Variants in BRINP3 observed in about 807,000 individuals in gnomAD.
BRINP3 encodes the protein BMP/retinoic acid-inducible neural-specific protein 3.
Under a neutral mutation model 71.0 loss-of-function variants are expected in BRINP3, and 19 were observed. The ratio of observed to expected loss-of-function variants is 0.27; its 90% CI spans 0.19 to 0.39. The LOEUF (loss-of-function observed/expected upper bound fraction) is 0.39, where lower values mean the gene tolerates loss of function less well. Ranked by LOEUF, BRINP3 falls within the 10% of genes least tolerant of loss-of-function variation. BRINP3 has a pLI of 1.00. For missense variants in BRINP3, 959 were observed against 940.8 expected (o/e 1.02, Z -0.25); for synonymous variants, 380 against 337.7 (o/e 1.13, Z -1.37).
At chr1:190,122,027 G>T (rs1028347778) in intron 7 of BRINP3, among the ~76,000 whole-genome samples, 4 of 152,268 alleles carry the variant, frequency 2.6e-5, no homozygotes, top group Middle Eastern at 3.4e-3. Context: ...ATATTACAAG[G>T]GTAGTAGCAG....
chr1:190,224,095 C>A (rs1362145623), intron 6 of BRINP3, among the ~76,000 whole-genome samples: 3 of 151,394 alleles, frequency 2.0e-5, no homozygotes, highest in African/African-American at 7.3e-5. Context: ...AGCACAATCC[C>A]CATCAAAACA....
intron 7 of BRINP3, among the ~76,000 whole-genome samples, chr1:190,133,349 T>A (rs565205790): frequency 1.3e-5 from 2 of 152,260 alleles, no homozygotes; most frequent in Admixed American, 6.6e-5. Context: ...AAACATCTAC[T>A]GTCTTACTGA....
At chr1:190,366,619 G>A (rs902218644) in intron 2 of BRINP3, among the ~76,000 whole-genome samples, 2 of 152,114 alleles carry the variant, frequency 1.3e-5, no homozygotes, top group Admixed American at 6.6e-5. Context: ...CTATGCCAAA[G>A]TCTCATCTGA....
chr1:190,208,468 C>A lies in BRINP3; in HGVS notation c.961+17614G>T, dbSNP rs1026753199. On this transcript the variant is annotated intron_variant, in intron 6 of 7. Transcript: ENST00000367462. ...GTCCACATGGTGTGAGAACCATGTA[C>A]TTTATTTATTTATTTGTTTGTTTAT... Among the ~76,000 whole-genome samples, 4 of 151,860 alleles carry A rather than the reference C, an allele frequency of 2.6e-5. No homozygotes were observed. In the South Asian group the frequency reaches 8.3e-4, roughly 32 times the overall value.
intron 6 of BRINP3, among the ~76,000 whole-genome samples, chr1:190,195,731 T>C (rs568235487): frequency 2.6e-5 from 4 of 152,222 alleles, no homozygotes; most frequent in South Asian, 2.1e-4. Flanking sequence ...TTCATTTTTT[T>C]CTTCCTCTCA....
chr1:190,239,068 C>T (rs2102759466), intron 4 of BRINP3, among the ~76,000 whole-genome samples: 1 of 152,170 alleles, frequency 6.6e-6, no homozygotes, highest in South Asian at 2.1e-4. Flanking sequence ...GAGGAAGTGC[C>T]ACATTTTAAA....
chr1:190,369,879 C>T (rs1669749613), intron 2 of BRINP3, among the ~76,000 whole-genome samples: 1 of 151,990 alleles, frequency 6.6e-6, no homozygotes, highest in Non-Finnish European at 1.5e-5. Context: ...TTAATAGCCA[C>T]TAATTATTAA....
At chr1:190,342,255 C>A (rs577118293) in intron 2 of BRINP3, among the ~76,000 whole-genome samples, 8 of 151,214 alleles carry the variant, frequency 5.3e-5, no homozygotes, top group African/African-American at 1.7e-4. Context: ...TAATTAGCAA[C>A]CTTAATTCCA....
At chr1:190,227,015 A>T (rs1480667053) in intron 5 of BRINP3, among the ~76,000 whole-genome samples, 1 of 151,864 alleles carries the variant, frequency 6.6e-6, no homozygotes, top group Non-Finnish European at 1.5e-5. Flanking sequence ...AATATTGTAA[A>T]ATTAAGATTT....
At chr1:190,201,560 C>T (rs1452175266) in intron 6 of BRINP3, among the ~76,000 whole-genome samples, 2 of 152,138 alleles carry the variant, frequency 1.3e-5, no homozygotes, top group Admixed American at 1.3e-4. Context: ...CAGGGCATGA[C>T]ACAGGACTTT....
chr1:190,321,966 T>C (rs1666275229), intron 2 of BRINP3, among the ~76,000 whole-genome samples: 1 of 151,986 alleles, frequency 6.6e-6, no homozygotes, highest in African/African-American at 2.4e-5. Flanking sequence ...CTAAAATTAA[T>C]GAAATGATTT....
At chr1:190,182,012 G>T (rs1323814226) in intron 6 of BRINP3, among the ~76,000 whole-genome samples, 1 of 151,864 alleles carries the variant, frequency 6.6e-6, no homozygotes, top group Non-Finnish European at 1.5e-5. Flanking sequence ...ATTAGCACTT[G>T]AAAAATGTCA....
rs141782973 is a variant in BRINP3, at chr1:190,283,612, C to T, written c.237-1862G>A. ...TTTACTTAAATCTGAATTGTAGGTA[C>T]ATAATGTATGTATATGTATAATATA... On this transcript the variant is annotated intron_variant, in intron 2 of 7. Transcript: ENST00000367462. 5.0e-3 allele frequency among the ~76,000 whole-genome samples: 742 copies of T among 148,876 alleles called. 6 individuals carry two copies. The highest frequency in any genetic ancestry group is 0.017 in the African/African-American group (698 of 40,822).
chr1:190,152,531 A>ACCC (rs71123074), intron 7 of BRINP3, among the ~76,000 whole-genome samples: 1,002 of 84,600 alleles, frequency 0.012, no homozygotes, highest in Non-Finnish European at 0.015. Flanking sequence ...ATCTCCCCCA[A>ACCC]CCCCCCCCCC....
intron 4 of BRINP3, among the ~76,000 whole-genome samples, chr1:190,253,188 T>C (rs1413609887): frequency 6.6e-6 from 1 of 152,186 alleles, no homozygotes; most frequent in Admixed American, 6.5e-5. Context: ...TGATGGACAT[T>C]TGGGTTGGTT....
chr1:190,111,421 T>C (rs1371389520), intron 7 of BRINP3, among the ~76,000 whole-genome samples: 1 of 152,192 alleles, frequency 6.6e-6, no homozygotes, highest in South Asian at 2.1e-4. Flanking sequence ...TATGTAATTA[T>C]GTAATTTAAG....
At chr1:190,209,851 C>T (rs923972311) in intron 6 of BRINP3, among the ~76,000 whole-genome samples, 1 of 152,062 alleles carries the variant, frequency 6.6e-6, no homozygotes. Context: ...ATATAAATTA[C>T]ACATTAATTC....
At chr1:190,405,810 A>G (rs1156307001) in intron 2 of BRINP3, among the ~76,000 whole-genome samples, 1 of 152,212 alleles carries the variant, frequency 6.6e-6, no homozygotes, top group Non-Finnish European at 1.5e-5. Context: ...CAGACATGCT[A>G]CAGCAACTGT....
intron 4 of BRINP3, among the ~76,000 whole-genome samples, chr1:190,235,644 G>T (rs1193782047): frequency 6.6e-6 from 1 of 151,800 alleles, no homozygotes; most frequent in Non-Finnish European, 1.5e-5. Context: ...ACATTCTGAT[G>T]CCTTGGGGTA....
Sources: allele counts gnomAD v4.1 joint callset (sites outside exome capture counted in the v4.1 genomes callset), GRCh38; gene constraint gnomAD v4.1.1; transcripts MANE v1.5; gene names NCBI Gene and HGNC (gene_info 2026-07-23, HGNC 2026-07-21).